YLPM1: variants seen among roughly 807,000 people sequenced by gnomAD.
YLPM1 encodes YLP motif-containing protein 1.
In YLPM1, 99 loss-of-function variants were observed where a neutral mutation model predicts 230.0. That is an observed-to-expected ratio of 0.43 (90% CI 0.37 to 0.51). The LOEUF (loss-of-function observed/expected upper bound fraction) is 0.51. YLPM1 is among the 20% of genes least tolerant of loss of function. The probability of loss-of-function intolerance (pLI) is 0.00; values close to 1 mark genes in which losing one functional copy is unlikely to be tolerated. For synonymous variants in YLPM1, 984 were observed against 942.5 expected (o/e 1.04, Z -0.81); for missense variants, 2,592 against 2,707.7 (o/e 0.96, Z 0.95).
chr14:74,800,292 G>A (rs1472264563), intron 5 of YLPM1, among the ~76,000 whole-genome samples: 1 of 152,158 alleles, frequency 6.6e-6, no homozygotes, highest in African/African-American at 2.4e-5. Flanking sequence ...TTGTGAAATG[G>A]AAAATAGGAT....
intron 18 of YLPM1, among the ~76,000 whole-genome samples, chr14:74,826,180 T>C (rs2140142546): frequency 6.6e-6 from 1 of 152,252 alleles, no homozygotes; most frequent in South Asian, 2.1e-4. Flanking sequence ...TAAGGACTTG[T>C]ATCTTGCACC....
rs1452073839 is a variant in YLPM1, at chr14:74,798,151, G to T, written c.2854G>T (p.Val952Leu). 10 of 1,613,884 alleles carry T rather than the reference G, an allele frequency of 6.2e-6. No individual in the cohort carries two copies. The highest frequency in any genetic ancestry group is 8.5e-6 in the Non-Finnish European group (10 of 1,179,904). Residue 952 changes from valine to leucine, a missense_variant, in exon 5 of 21, where the codon GTA becomes TTA. Physicochemically the swap from Val to Leu is conservative, Grantham distance 32. This residue lies in a region of YLPM1 where 1,862 missense variants were observed against 1,819.8 expected (regional missense o/e 1.02). Coordinates refer to ENST00000325680, the MANE Select transcript of YLPM1 (RefSeq NM_019589.3). Reference sequence around the variant, plus strand: ...GCCTGTACCCCTTGCGAATAAGCCTGTACCTGCTCAATCTACTTTTCCTTC... The same window carrying T: ...GCCTGTACCCCTTGCGAATAAGCCTTTACCTGCTCAATCTACTTTTCCTTC... ...TQPVPLANKPVPAQSTFPSKT... is the reference protein window; with the variant it reads ...TQPVPLANKPLPAQSTFPSKT...
intron 4 of YLPM1, among the ~76,000 whole-genome samples, chr14:74,783,955 GA>G (rs1212391599): frequency 6.6e-6 from 1 of 152,164 alleles, no homozygotes; most frequent in East Asian, 1.9e-4. Flanking sequence ...TAGAACCCCA[GA>G]ATAGGTACAG....
intron 4 of YLPM1, among the ~76,000 whole-genome samples, 194 bp downstream of exon 4, chr14:74,782,519 C>T (rs2091106379): frequency 6.6e-6 from 1 of 152,042 alleles, no homozygotes; most frequent in African/African-American, 2.4e-5. Context: ...GATGTCTCTG[C>T]TTTTGTCCTA....
At position 74,763,627 on chromosome 14, in the gene YLPM1, C is replaced by T. The variant is rs746070371; in HGVS notation, c.138C>T (p.Ser46=). Residue 46 remains serine (S), a synonymous_variant, in exon 1 of 21, where the codon TCC becomes TCT. Transcript: ENST00000325680. ...GCTCGACGACTCCCGCGGCCCCCTC[C>T]TCCTCGGGCTTCATGAGCTTCCGCG... is the stretch of plus-strand genomic sequence containing the variant. ...YSSSTTPAAP[S]SSGFMSFREQ... 7 of 1,592,538 alleles carry T rather than the reference C, an allele frequency of 4.4e-6. No homozygotes were observed. The highest frequency in any genetic ancestry group is 1.4e-5 in the African/African-American group (1 of 72,994).
intron 18 of YLPM1, among the ~76,000 whole-genome samples, chr14:74,824,650 C>A (rs1329504509): frequency 6.6e-6 from 1 of 151,116 alleles, no homozygotes; most frequent in Non-Finnish European, 1.5e-5. Flanking sequence ...TAAATGCAGT[C>A]CAAAGTTAAA....
At position 74,780,496 on chromosome 14, in the gene YLPM1, A is replaced by G. The variant is rs1220476360; in HGVS notation, c.1202A>G (p.Gln401Arg). 20 of 1,613,898 alleles carry G rather than the reference A, an allele frequency of 1.2e-5. No homozygotes were observed. The highest frequency in any genetic ancestry group is 4.5e-5 in the East Asian group (2 of 44,898). ...CACCAGCAGCATCGAGTCGGTTTCC[A>G]GTATCAGGGAATAATGCAGAAGCAC... ...QQHQQHRVGF[Q>R]YQGIMQKHTQ... The change falls in exon 3 of 21, where the codon CAG (glutamine) becomes CGG (arginine). Residue 401 changes from glutamine to arginine, a missense_variant. By Grantham distance (43) the Gln-to-Arg change is conservative. Around this residue, in one of 4 missense-constraint regions of YLPM1, gnomAD observed 1,862 missense variants for 1,819.8 expected, o/e 1.02. Transcript: ENST00000325680.
At position 74,763,415 on chromosome 14, in the gene YLPM1, TCGCCGC is replaced by T; in HGVS notation, c.-71_-66del. 4.4e-6 allele frequency: 6 copies of T among 1,372,232 alleles called. No homozygotes were observed. The highest frequency in any genetic ancestry group is 4.7e-6 in the Non-Finnish European group (5 of 1,055,640). The allele number at this position is 1,372,232 out of a possible 1,614,324, so 85.0% of individuals were successfully genotyped here. A position where few individuals can be genotyped will look rare whatever the true frequency, so the allele number is the denominator to read the frequency against. The stretch of plus-strand genomic sequence containing the variant: ...GCGCCGCGAGTTCCGGCTGTCGCCG[TCGCCGC>T]CGCGGCTCCTGGAGGTCGGTTGCGA... On this transcript the variant is annotated 5_prime_UTR_variant, in exon 1 of 21. Coordinates refer to ENST00000325680, the MANE Select transcript of YLPM1 (RefSeq NM_019589.3).
intron 18 of YLPM1, among the ~76,000 whole-genome samples, chr14:74,824,699 A>G (rs1421642996): frequency 6.6e-6 from 1 of 152,034 alleles, no homozygotes; most frequent in Non-Finnish European, 1.5e-5. Context: ...AATAATATAA[A>G]GTTTAAAATT....
chr14:74,784,339 CTG>C (rs1353031094), intron 4 of YLPM1, among the ~76,000 whole-genome samples: 1 of 152,168 alleles, frequency 6.6e-6, no homozygotes, highest in African/African-American at 2.4e-5. Context: ...TCTAATATAT[CTG>C]TCTACGGCAA....
intron 4 of YLPM1, among the ~76,000 whole-genome samples, chr14:74,788,409 C>T (rs879520691): frequency 2.4e-4 from 37 of 152,152 alleles, no homozygotes; most frequent in Non-Finnish European, 5.1e-4. Flanking sequence ...CGTGAGCCAC[C>T]GCGCCTGGCC....
chr14:74,774,393 C>T (rs1398635136), intron 1 of YLPM1, among the ~76,000 whole-genome samples: 1 of 151,580 alleles, frequency 6.6e-6, no homozygotes, highest in Non-Finnish European at 1.5e-5. Context: ...CGACCATGGC[C>T]CAGCTAATTT....
intron 6 of YLPM1, among the ~76,000 whole-genome samples, chr14:74,808,028 A>G (rs1310563885): frequency 6.6e-6 from 1 of 152,192 alleles, no homozygotes; most frequent in African/African-American, 2.4e-5. Context: ...ACAGAAGTTC[A>G]GTAGATTTGG....
At position 74,810,256 on chromosome 14, in the gene YLPM1, A is replaced by T; in HGVS notation, c.5064A>T (p.Arg1688Ser). Residue 1688 changes from arginine (R) to serine (S), a missense_variant, in exon 9 of 21, where the codon AGA (arginine) becomes AGT (serine). Arg to Ser is a moderately radical substitution (Grantham distance 110). This residue lies in a region of YLPM1 where 403 missense variants were observed against 426.7 expected (regional missense o/e 0.94). Coordinates refer to ENST00000325680, the MANE Select transcript of YLPM1 (RefSeq NM_019589.3). ...EHAGQRDRYD[R>S]ERDREPYFDR... ...CAGGCCAACGTGATCGTTATGATAGAGAAAGAGATCGTGAGCCTTATTTTG... is the reference window on the plus strand; with the variant it reads ...CAGGCCAACGTGATCGTTATGATAGTGAAAGAGATCGTGAGCCTTATTTTG... 1.9e-6 allele frequency: 3 copies of T among 1,613,916 alleles called. No individual in the cohort carries two copies. The highest frequency in any genetic ancestry group is 2.5e-6 in the Non-Finnish European group (3 of 1,179,866).
intron 19 of YLPM1, among the ~76,000 whole-genome samples, chr14:74,830,588 A>C (rs1436569979): frequency 6.6e-6 from 1 of 152,182 alleles, no homozygotes; most frequent in African/African-American, 2.4e-5. Flanking sequence ...ATAAAGGAAT[A>C]CGTGAGATTG....
rs186818329 is a variant in YLPM1, at chr14:74,803,577, G to A, written c.4521+901G>A. On this transcript the variant is annotated intron_variant, in intron 6 of 20. Transcript: ENST00000325680. ...AGATCGGATCTCCTGACCTTTGTAC[G>A]CATCTACCTGTCTGCAGGGTTTCTG... is the stretch of plus-strand genomic sequence containing the variant. 1.5e-4 allele frequency among the ~76,000 whole-genome samples: 23 copies of A among 152,234 alleles called. No individual in the cohort carries two copies. The East Asian group carries it at 3.7e-3, about 24-fold the overall frequency.
Position 74,764,305 on chromosome 14 carries a change from G to A in YLPM1, c.816G>A (p.Lys272=). 5 of 1,613,792 alleles carry A rather than the reference G, an allele frequency of 3.1e-6. No homozygotes were observed. The highest frequency in any genetic ancestry group is 4.2e-6 in the Non-Finnish European group (5 of 1,179,826). The change falls in exon 1 of 21, where the codon AAG becomes AAA. Residue 272 remains lysine (K), a synonymous_variant. Coordinates refer to ENST00000325680, the MANE Select transcript of YLPM1 (RefSeq NM_019589.3). The part of the protein sequence containing the change: ...QEPLESGAKN[K]STEQQQAAPE... ...CTTTGGAGAGTGGGGCCAAAAACAAGAGTACTGAACAGCAGCAAGCCGCCC... is the reference window on the plus strand; with the variant it reads ...CTTTGGAGAGTGGGGCCAAAAACAAAAGTACTGAACAGCAGCAAGCCGCCC...
At chr14:74,786,651 C>T (rs1034398803) in intron 4 of YLPM1, among the ~76,000 whole-genome samples, 4 of 152,122 alleles carry the variant, frequency 2.6e-5, no homozygotes, top group Non-Finnish European at 5.9e-5. Flanking sequence ...TACAATAGTT[C>T]ATTGTATGAA....
intron 18 of YLPM1, chr14:74,827,774 G>A (rs559885948): frequency 2.0e-6 from 2 of 985,242 alleles, no homozygotes; most frequent in East Asian, 2.3e-4. Context: ...ATTGTTTGTG[G>A]GACTTCGTTG....
Sources: gnomAD v4.1 joint callset for allele counts (sites outside exome capture counted in the v4.1 genomes callset) on GRCh38, gnomAD v4.1.1 for gene constraint, gnomAD v4.1.1 regional missense constraint, MANE v1.5 for transcripts, NCBI Gene and HGNC (gene_info 2026-07-23, HGNC 2026-07-21) for gene names.